Variants in SGCB observed in about 807,000 individuals in gnomAD.
The protein encoded by SGCB is beta-sarcoglycan.
In SGCB, 25 loss-of-function variants were observed where a neutral mutation model predicts 27.3. The observed-to-expected ratio is 0.92, with a 90% CI of 0.67 to 1.28. The LOEUF (loss-of-function observed/expected upper bound fraction) is 1.28. SGCB is among the 50% of genes most tolerant of loss of function. SGCB has a pLI of 0.00. For synonymous variants in SGCB, 147 were observed against 133.5 expected (o/e 1.10, Z -0.70); for missense variants, 436 against 402.1 (o/e 1.08, Z -0.72).
intron 1 of SGCB, among the ~76,000 whole-genome samples, chr4:52,035,098 T>C (rs1287596746): frequency 6.6e-6 from 1 of 152,226 alleles, no homozygotes; most frequent in Non-Finnish European, 1.5e-5. Context: ...TTTTGGGTAA[T>C]AATCTTGAAT....
intron 1 of SGCB, among the ~76,000 whole-genome samples, chr4:52,037,175 T>C (rs1268876349): frequency 6.6e-6 from 1 of 152,154 alleles, no homozygotes; most frequent in Non-Finnish European, 1.5e-5. Flanking sequence ...CTCCTTTCAG[T>C]TTCACTCATT....
chr4:52,023,885 TA>T lies in SGCB; in HGVS notation c.*71del. 1.7e-6 allele frequency: 2 copies of T among 1,180,818 alleles called. No homozygotes were observed. The highest frequency in any genetic ancestry group is 2.5e-6 in the Non-Finnish European group (2 of 787,606). The allele number at this position is 1,180,818 out of a possible 1,614,324, so 73.1% of individuals were successfully genotyped here. A position where few individuals can be genotyped will look rare whatever the true frequency, so the allele number is the denominator to read the frequency against. On this transcript the variant is annotated 3_prime_UTR_variant, in exon 6 of 6. Coordinates refer to ENST00000381431, the MANE Select transcript of SGCB (RefSeq NM_000232.5). ...TAATTATGAGTTATCACAAACTCTGTAAAAACAATGATTTGCATGCATAAAA... is the reference window on the plus strand; with the variant it reads ...TAATTATGAGTTATCACAAACTCTGTAAAACAATGATTTGCATGCATAAAA...
chr4:52,024,827 CAAAAAAAAAAA>C (rs3050627), intron 5 of SGCB, among the ~76,000 whole-genome samples: 3 of 55,878 alleles, frequency 5.4e-5, no homozygotes, highest in East Asian at 7.5e-4. Context: ...GACACTGTCT[CAAAAAAAAAAA>C]AAAAAAAAAA....
chr4:52,023,669 G>C lies in SGCB; in HGVS notation c.*288C>G, dbSNP rs1343552268. The C allele has an allele frequency of 2.7e-6, 1 of 366,056 alleles. No individual in the cohort carries two copies. Among genetic ancestry groups the C allele is most frequent in the Non-Finnish European group, 5.1e-6 (1 of 195,196 alleles). The allele number at this position is 366,056 out of a possible 1,614,324, so 22.7% of individuals were successfully genotyped here. On this transcript the variant is annotated 3_prime_UTR_variant, in exon 6 of 6. Coordinates refer to ENST00000381431, the MANE Select transcript of SGCB (RefSeq NM_000232.5). ...CTTCAGACCTTTAACCTTTAGAAAA[G>C]GGATAGTGGAATTTTAAAAACACGT...
chr4:52,034,278 G>A (rs1317553828), intron 1 of SGCB, among the ~76,000 whole-genome samples: 1 of 75,602 alleles, frequency 1.3e-5, no homozygotes, highest in African/African-American at 3.4e-5. Context: ...CTTGCAGTGA[G>A]CCGAGATCCC....
At chr4:52,029,279 T>G (rs1263440656) in intron 3 of SGCB, among the ~76,000 whole-genome samples, 1 of 152,218 alleles carries the variant, frequency 6.6e-6, no homozygotes, top group African/African-American at 2.4e-5. Context: ...CTGACTAGAT[T>G]GGCATATTCT....
chr4:52,028,422 G>A (rs1737163010), intron 4 of SGCB, among the ~76,000 whole-genome samples: 1 of 152,122 alleles, frequency 6.6e-6, no homozygotes, highest in African/African-American at 2.4e-5. Context: ...CGGATCACGA[G>A]GTCAGGAGAT....
chr4:52,025,413 C>T (rs75228933), intron 5 of SGCB, among the ~76,000 whole-genome samples: 3,699 of 152,166 alleles, frequency 0.024, 73 homozygotes, highest in Non-Finnish European at 0.038. Flanking sequence ...GTCTAGGTAA[C>T]TGGGGAAGGG....
rs1444290992 is a variant in SGCB, at chr4:52,021,175, G to C, written c.*2782C>G. ...CCGTCTCTAGAATACTGTGGTAATT[G>C]AAACTAGCATGTACCTGCGCCCCCT... On this transcript the variant is annotated 3_prime_UTR_variant, in exon 6 of 6. Coordinates refer to ENST00000381431, the MANE Select transcript of SGCB (RefSeq NM_000232.5). 1 of 152,086 alleles carries C rather than the reference G, an allele frequency of 6.6e-6. No individual in the cohort carries two copies. The highest frequency in any genetic ancestry group is 1.5e-5 in the Non-Finnish European group (1 of 68,028). The allele number at this position is 152,086 out of a possible 1,614,324, so 9.4% of individuals were successfully genotyped here.
In SGCB at chr4:52,022,730, C is replaced by T. The variant is rs945170560; in HGVS notation, c.*1227G>A. The T allele has an allele frequency of 4.6e-5, 7 of 152,210 alleles. 1 individual carries two copies. Among genetic ancestry groups the T allele is most frequent in the Non-Finnish European group, 4.4e-5 (3 of 68,018 alleles). 9.4% of individuals were successfully genotyped at this position (152,210 alleles called of 1,614,324 possible). On this transcript the variant is annotated 3_prime_UTR_variant, in exon 6 of 6. Transcript: ENST00000381431. ...CTCCCCACTTTCCACTGTGTTGCCC[C>T]GAGTGCTGAGGGTATAAATATCTTG...
chr4:52,022,095 C>G lies in SGCB; in HGVS notation c.*1862G>C, dbSNP rs1328215757. 6.6e-6 allele frequency: 1 copy of G among 152,154 alleles called. No individual in the cohort carries two copies. The highest frequency in any genetic ancestry group is 2.4e-5 in the African/African-American group (1 of 41,520). The allele number at this position is 152,154 out of a possible 1,614,324, so 9.4% of individuals were successfully genotyped here. A position where few individuals can be genotyped will look rare whatever the true frequency, so the allele number is the denominator to read the frequency against. On this transcript the variant is annotated 3_prime_UTR_variant, in exon 6 of 6. Coordinates refer to ENST00000381431, the MANE Select transcript of SGCB (RefSeq NM_000232.5). The stretch of plus-strand genomic sequence containing the variant: ...AAATTTCGGCATTTTTTTCTGAATT[C>G]AGACATTAAATGATACTGAATATAT...
chr4:52,026,641 T>C (rs905529979), intron 5 of SGCB, among the ~76,000 whole-genome samples: 2 of 152,216 alleles, frequency 1.3e-5, no homozygotes, highest in South Asian at 4.1e-4. Context: ...ACTTTAGAAC[T>C]AACCACTGAT....
chr4:52,023,570 CT>C lies in SGCB; in HGVS notation c.*386del. 5.2e-6 allele frequency: 1 copy of C among 190,896 alleles called. No homozygotes were observed. 11.8% of individuals were successfully genotyped at this position (190,896 alleles called of 1,614,324 possible). On this transcript the variant is annotated 3_prime_UTR_variant, in exon 6 of 6. Transcript: ENST00000381431. ...AGAGCATGAAACGCTGATGCCATACCTTTTTAAATATCTTAAGTGGGTCTAT... is the reference window on the plus strand; with the variant it reads ...AGAGCATGAAACGCTGATGCCATACCTTTTAAATATCTTAAGTGGGTCTAT...
rs1182893241 is a variant in SGCB at position 52,028,801 on chromosome 4, A to G, written c.550T>C (p.Tyr184His). ...RTQNILFSTDYETHEFHLPSG... is the reference protein window; with the variant it reads ...RTQNILFSTDHETHEFHLPSG... ...GGCAAATGAAACTCATGAGTTTCAT[A>G]GTCTGTGCTGAATAAGATATTTTGA... is the stretch of plus-strand genomic sequence containing the variant. Residue 184 changes from tyrosine to histidine, a missense_variant, in exon 4 of 6, where the codon TAT (tyrosine) becomes CAT (histidine). Physicochemically the swap from Tyr to His is moderately conservative, Grantham distance 83. Transcript: ENST00000381431. 6.2e-7 allele frequency: 1 copy of G among 1,612,842 alleles called. No homozygotes were observed. Among genetic ancestry groups the G allele is most frequent in the African/African-American group, 1.3e-5 (1 of 74,914 alleles).
intron 3 of SGCB, 144 bp downstream of exon 3, chr4:52,029,534 C>G: frequency 1.9e-6 from 1 of 537,056 alleles, no homozygotes; most frequent in Non-Finnish European, 3.3e-6. Context: ...TCACTATATT[C>G]ATACATTTAT....
At chr4:52,029,972 T>C (rs1737208710) in intron 2 of SGCB, 109 bp from the exon 3 acceptor site, 5 of 811,474 alleles carry the variant, frequency 6.2e-6, no homozygotes, top group South Asian at 1.4e-5. Context: ...TAAAATGTTT[T>C]ATCAGTGAGG....
At chr4:52,034,957 A>G (rs1578128651) in intron 1 of SGCB, among the ~76,000 whole-genome samples, 1 of 152,200 alleles carries the variant, frequency 6.6e-6, no homozygotes, top group African/African-American at 2.4e-5. Context: ...AACTTCTCCT[A>G]TAGTAAATAT....
Position 52,029,659 on chromosome 4 carries a change from A to G in SGCB, c.429+19T>C, listed in dbSNP as rs1737197744. 2 of 1,571,532 alleles carry G rather than the reference A, an allele frequency of 1.3e-6. No individual in the cohort carries two copies. Among genetic ancestry groups the G allele is most frequent in the African/African-American group, 1.4e-5 (1 of 73,998 alleles). On this transcript the variant is annotated intron_variant, in intron 3 of 5. Coordinates refer to ENST00000381431, the MANE Select transcript of SGCB (RefSeq NM_000232.5). ...CCCCTCTCCTGTTTGCATTTCTTTCAGTTAATGTGGCAACTTACAGGCTGG... is the reference window on the plus strand; with the variant it reads ...CCCCTCTCCTGTTTGCATTTCTTTCGGTTAATGTGGCAACTTACAGGCTGG...
intron 5 of SGCB, 145 bp downstream of exon 5, chr4:52,027,818 CTTTCT>C: frequency 1.4e-6 from 1 of 702,134 alleles, no homozygotes; most frequent in Non-Finnish European, 2.4e-6. Context: ...TGTTTTGTAA[CTTTCT>C]TTTACTTCAC....
Sources: gnomAD v4.1 joint callset for allele counts (sites outside exome capture counted in the v4.1 genomes callset) on GRCh38, gnomAD v4.1.1 for gene constraint, MANE v1.5 for transcripts, NCBI Gene and HGNC (gene_info 2026-07-23, HGNC 2026-07-21) for gene names.